NACC2: variants seen among roughly 807,000 people sequenced by gnomAD.
NACC2 encodes NACC family member 2.
A neutral mutation model predicts 25.1 loss-of-function variants in NACC2; 8 were observed. The observed-to-expected ratio is 0.32, with a 90% CI of 0.19 to 0.57. The LOEUF (loss-of-function observed/expected upper bound fraction) is 0.57, where lower values mean the gene tolerates loss of function less well. NACC2 is among the 20% of genes least tolerant of loss of function. The pLI is 0.89. For synonymous variants in NACC2, 435 were observed against 294.7 expected (o/e 1.48, Z -4.88); for missense variants, 644 against 650.2 (o/e 0.99, Z 0.10).
Position 136,050,459 on chromosome 9 carries a change from G to A in NACC2, c.63C>T (p.Asn21=). The change falls in exon 2 of 6, where the codon AAC becomes AAT. Residue 21 remains asparagine (N), a synonymous_variant. Transcript: ENST00000277554. The part of the protein sequence containing the change: ...NFGNTVLGCL[N]EQRLLGLYCD... ...AGTAGAGGCCCAGCAGGCGCTGCTC[G>A]TTCAGGCAGCCCAGCACTGTGTTCC... 2.6e-6 allele frequency: 2 copies of A among 766,304 alleles called. No homozygotes were observed. The highest frequency in any genetic ancestry group is 4.8e-6 in the Non-Finnish European group (2 of 417,426). The allele number at this position is 766,304 out of a possible 1,614,324, so 47.5% of individuals were successfully genotyped here. A position where few individuals can be genotyped will look rare whatever the true frequency, so the allele number is the denominator to read the frequency against.
intron 2 of NACC2, among the ~76,000 whole-genome samples, chr9:136,032,801 G>A (rs1588564461): frequency 2.6e-5 from 4 of 152,230 alleles, no homozygotes. Context: ...GGAGGCTGAG[G>A]TGGGTGGATC....
At chr9:136,044,830 A>T (rs1588569229) in intron 2 of NACC2, among the ~76,000 whole-genome samples, 1 of 152,144 alleles carries the variant, frequency 6.6e-6, no homozygotes, top group Non-Finnish European at 1.5e-5. Flanking sequence ...GCTGCAACGG[A>T]GACCACCCTA....
chr9:136,061,822 A>C (rs1841014337), intron 1 of NACC2, among the ~76,000 whole-genome samples: 1 of 152,152 alleles, frequency 6.6e-6, no homozygotes, highest in African/African-American at 2.4e-5. Flanking sequence ...AGAGCAGGCC[A>C]TTACGAAAAG....
At chr9:136,051,192 C>G (rs1423248518) in intron 1 of NACC2, among the ~76,000 whole-genome samples, 1 of 152,174 alleles carries the variant, frequency 6.6e-6, no homozygotes, top group Non-Finnish European at 1.5e-5. Flanking sequence ...CTGGGGGTGC[C>G]GGGAAGTCCG....
chr9:136,047,763 A>G (rs956555566), intron 2 of NACC2, among the ~76,000 whole-genome samples: 6,621 of 152,216 alleles, frequency 0.043, 377 homozygotes, highest in East Asian at 0.19. Flanking sequence ...CTGACTCCCC[A>G]AAAACCCATC....
At chr9:136,077,367 A>T (rs527433282) in intron 1 of NACC2, among the ~76,000 whole-genome samples, 1 of 152,092 alleles carries the variant, frequency 6.6e-6, no homozygotes, top group Non-Finnish European at 1.5e-5. Flanking sequence ...GAAGAGAAAC[A>T]TGGCCTTTGG....
intron 2 of NACC2, among the ~76,000 whole-genome samples, chr9:136,048,296 G>A (rs1840759418): frequency 6.6e-6 from 1 of 152,202 alleles, no homozygotes; most frequent in Admixed American, 6.5e-5. Context: ...AGGGGCAGAG[G>A]GAAAGCGCAC....
At chr9:136,069,091 A>G (rs901958157) in intron 1 of NACC2, among the ~76,000 whole-genome samples, 5 of 151,414 alleles carry the variant, frequency 3.3e-5, no homozygotes, top group Non-Finnish European at 7.4e-5. Flanking sequence ...TATTTTTAGT[A>G]GAGACGGGGT....
chr9:136,085,585 T>G (rs1828433120), intron 1 of NACC2, among the ~76,000 whole-genome samples: 1 of 151,774 alleles, frequency 6.6e-6, no homozygotes, highest in Admixed American at 6.6e-5. Flanking sequence ...TCTGCTGGTG[T>G]AAGGCCAGGA....
intron 3 of NACC2, 34 bp downstream of exon 3, chr9:136,016,231 T>C (rs761366565): frequency 1.7e-5 from 27 of 1,608,940 alleles, no homozygotes; most frequent in Admixed American, 1.5e-4. Flanking sequence ...ATGAGGACAT[T>C]TGCATACAAT....
intron 1 of NACC2, among the ~76,000 whole-genome samples, chr9:136,050,890 G>A (rs2131163191): frequency 6.6e-6 from 1 of 152,312 alleles, no homozygotes; most frequent in East Asian, 1.9e-4. Flanking sequence ...GCGAGGAGGA[G>A]CGCAGGCCTG....
chr9:136,045,929 C>T lies in NACC2; in HGVS notation c.886+3707G>A, dbSNP rs897312974. Among the ~76,000 whole-genome samples the T allele has an allele frequency of 3.9e-5, 6 of 152,270 alleles. No homozygotes were observed. The South Asian group carries it at 6.2e-4, about 16-fold the overall frequency. ...CCCCAGCTGGCGCTGCCCACCCGGC[C>T]GGCTGCCTTGCCGGGGAAGCCCCGG... On this transcript the variant is annotated intron_variant, in intron 2 of 5. Coordinates refer to ENST00000277554, the MANE Select transcript of NACC2 (RefSeq NM_144653.5).
chr9:136,046,996 G>C (rs1480344996), intron 2 of NACC2, among the ~76,000 whole-genome samples: 1 of 152,200 alleles, frequency 6.6e-6, no homozygotes, highest in African/African-American at 2.4e-5. Flanking sequence ...CCAAGGTGCA[G>C]CTCCGGGACC....
chr9:136,011,562 G>T lies in NACC2; in HGVS notation c.1718C>A (p.Ala573Glu), dbSNP rs776493584. 3 of 1,405,948 alleles carry T rather than the reference G, an allele frequency of 2.1e-6. No homozygotes were observed. Among genetic ancestry groups the T allele is most frequent in the Non-Finnish European group, 2.8e-6 (3 of 1,085,880 alleles). The allele number at this position is 1,405,948 out of a possible 1,614,324, so 87.1% of individuals were successfully genotyped here. A position where few individuals can be genotyped will look rare whatever the true frequency, so the allele number is the denominator to read the frequency against. ...GCCCTCCGGCCTCCGGGCCGCGGCC[G>T]CCGGCGTCTGGGGCCTGCTGGGGCC... ...GGGPSRPQTPAAAARRPEGTY... is the reference protein window; with the variant it reads ...GGGPSRPQTPEAAARRPEGTY... The change falls in exon 6 of 6, where the codon GCG (alanine) becomes GAG (glutamate). Residue 573 changes from alanine (A) to glutamate (E), a missense_variant. Coordinates refer to ENST00000277554, the MANE Select transcript of NACC2 (RefSeq NM_144653.5).
chr9:136,050,934 G>A (rs1754536539), intron 1 of NACC2, among the ~76,000 whole-genome samples: 1 of 152,186 alleles, frequency 6.6e-6, no homozygotes, highest in Admixed American at 6.5e-5. Context: ...GGGGCCGCCG[G>A]GGGAGCCTCT....
intron 1 of NACC2, among the ~76,000 whole-genome samples, chr9:136,089,968 C>T (rs1438698830): frequency 2.0e-5 from 3 of 148,986 alleles, no homozygotes; most frequent in African/African-American, 2.5e-5. Flanking sequence ...CTTCTCTCAC[C>T]CTAATGGATT....
chr9:136,057,072 G>A (rs1161031715), intron 1 of NACC2, among the ~76,000 whole-genome samples: 1 of 152,194 alleles, frequency 6.6e-6, no homozygotes, highest in Non-Finnish European at 1.5e-5. Flanking sequence ...AGGGCTGGGA[G>A]GACGCTCCAT....
chr9:136,035,469 C>CA (rs1323759876), intron 2 of NACC2, among the ~76,000 whole-genome samples: 1 of 151,834 alleles, frequency 6.6e-6, no homozygotes, highest in Non-Finnish European at 1.5e-5. Context: ...GGATCAGTGT[C>CA]AAAAAAGATA....
At position 136,017,819 on chromosome 9, in the gene NACC2, A is replaced by G. The variant is rs563664772; in HGVS notation, c.887-1390T>C. Among the ~76,000 whole-genome samples the G allele has an allele frequency of 4.0e-5, 6 of 151,814 alleles. No individual in the cohort carries two copies. The East Asian group carries it at 1.2e-3, about 30-fold the overall frequency. ...CTGCCTTCACTAGGGAATCAATCCC[A>G]CTGCCCTGGGCTCCTGCACACCCTA... On this transcript the variant is annotated intron_variant, in intron 2 of 5. Coordinates refer to ENST00000277554, the MANE Select transcript of NACC2 (RefSeq NM_144653.5).
Sources: allele counts gnomAD v4.1 joint callset (sites outside exome capture counted in the v4.1 genomes callset), GRCh38; gene constraint gnomAD v4.1.1; transcripts MANE v1.5; gene names NCBI Gene and HGNC (gene_info 2026-07-23, HGNC 2026-07-21).